KCNMB2: variants seen among roughly 807,000 people sequenced by gnomAD.
KCNMB2 encodes the protein calcium-activated potassium channel subunit beta-2.
Under a neutral mutation model 24.5 loss-of-function variants are expected in KCNMB2, and 9 were observed. That is an observed-to-expected ratio of 0.37 (90% CI 0.22 to 0.64). KCNMB2 has a LOEUF of 0.64. Among genes scored for constraint, KCNMB2 ranks in the 30% least tolerant of loss-of-function variants. The pLI, the probability that KCNMB2 is intolerant of heterozygous loss-of-function variation, is 0.63. For missense variants in KCNMB2, 226 were observed against 284.3 expected (o/e 0.79, Z 1.47); for synonymous variants, 109 against 104.4 (o/e 1.04, Z -0.27).
chr3:178,601,921 C>G (rs1437345972), intron 1 of KCNMB2, among the ~76,000 whole-genome samples: 1 of 152,092 alleles, frequency 6.6e-6, no homozygotes, highest in Non-Finnish European at 1.5e-5. Context: ...TTTTGAGGAG[C>G]CTTGGCAAAG....
At chr3:178,570,515 C>CTTTTTTTTTT (rs200106452) in intron 1 of KCNMB2, among the ~76,000 whole-genome samples, 30 of 114,580 alleles carry the variant, frequency 2.6e-4, no homozygotes, top group African/African-American at 7.9e-4. Flanking sequence ...GTAATGATAC[C>CTTTTTTTTTT]TTTTTTTTTT....
intron 4 of KCNMB2, among the ~76,000 whole-genome samples, chr3:178,836,810 A>G (rs530214264): frequency 1.1e-3 from 166 of 152,300 alleles, no homozygotes; most frequent in Middle Eastern, 3.4e-3. Context: ...CCACCAAAAA[A>G]GAGAGATCTA....
chr3:178,668,782 T>C (rs913623039), intron 1 of KCNMB2, among the ~76,000 whole-genome samples: 1 of 152,202 alleles, frequency 6.6e-6, no homozygotes, highest in Admixed American at 6.5e-5. Context: ...AATGACTTAC[T>C]GCAATTGTCC....
intron 1 of KCNMB2, among the ~76,000 whole-genome samples, chr3:178,573,583 T>TAAAA (rs71647211): frequency 3.2e-5 from 4 of 124,656 alleles, no homozygotes; most frequent in Non-Finnish European, 5.1e-5. Context: ...CTACAAAACA[T>TAAAA]AAAAAAAAAA....
rs111971710 is a variant in KCNMB2, at chr3:178,702,243, G to C, written c.-67-105100G>C. On this transcript the variant is annotated intron_variant, in intron 1 of 4. Coordinates refer to ENST00000452583, the MANE Select transcript of KCNMB2 (RefSeq NM_181361.3). ...TGGGAACTGAACAATGAGAACACTT[G>C]GACACAGGAAGGGGAACATCACACA... is the stretch of plus-strand genomic sequence containing the variant. Among the ~76,000 whole-genome samples the C allele has an allele frequency of 1.7e-3, 236 of 136,420 alleles. 1 individual carries two copies. Among genetic ancestry groups the C allele is most frequent in the African/African-American group, 6.3e-3 (227 of 36,260 alleles). 89.5% of individuals were successfully genotyped at this position (136,420 alleles called of 152,430 possible). A position where few individuals can be genotyped will look rare whatever the true frequency, so the allele number is the denominator to read the frequency against.
intron 1 of KCNMB2, among the ~76,000 whole-genome samples, 167 bp from the exon 2 acceptor site, chr3:178,807,176 G>A (rs1030473140): frequency 6.6e-6 from 1 of 152,214 alleles, no homozygotes; most frequent in African/African-American, 2.4e-5. Context: ...GCAAATTTCT[G>A]AGAGAGGACC....
chr3:178,800,472 T>C (rs888333220), intron 1 of KCNMB2, among the ~76,000 whole-genome samples: 4 of 152,088 alleles, frequency 2.6e-5, no homozygotes, highest in Admixed American at 6.6e-5. Context: ...AAAACTACAA[T>C]GAGATATCGT....
At chr3:178,595,327 T>G (rs1717828997) in intron 1 of KCNMB2, among the ~76,000 whole-genome samples, 1 of 152,126 alleles carries the variant, frequency 6.6e-6, no homozygotes, top group African/African-American at 2.4e-5. Context: ...CTTGAGCTGA[T>G]GAATGGGTCA....
intron 1 of KCNMB2, among the ~76,000 whole-genome samples, chr3:178,768,486 A>G (rs544108639): frequency 3.3e-5 from 5 of 152,310 alleles, no homozygotes; most frequent in African/African-American, 1.2e-4. Context: ...GATAATCTCA[A>G]ATCAAAGAAA....
Position 178,675,614 on chromosome 3 carries a change from C to T in KCNMB2, c.-67-131729C>T, listed in dbSNP as rs112534640. On this transcript the variant is annotated intron_variant, in intron 1 of 4. Coordinates refer to ENST00000452583, the MANE Select transcript of KCNMB2 (RefSeq NM_181361.3). ...GTTTTCTTCAATAAATATGAAAAAT[C>T]TTTGATCAATGTTCACATGTTTTCT... Among the ~76,000 whole-genome samples, 253 of 152,224 alleles carry T rather than the reference C, an allele frequency of 1.7e-3. 1 individual carries two copies. The highest frequency in any genetic ancestry group is 5.8e-3 in the African/African-American group (242 of 41,540).
chr3:178,772,987 G>A (rs1373606169), intron 1 of KCNMB2, among the ~76,000 whole-genome samples: 2 of 151,988 alleles, frequency 1.3e-5, no homozygotes, highest in African/African-American at 2.4e-5. Flanking sequence ...TCAAAGCTCT[G>A]AGTTTTTCCT....
chr3:178,538,469 C>G (rs917544578), intron 1 of KCNMB2, among the ~76,000 whole-genome samples: 1 of 152,078 alleles, frequency 6.6e-6, no homozygotes, highest in Non-Finnish European at 1.5e-5. Flanking sequence ...GTTTACAAAT[C>G]GATATTATTT....
chr3:178,686,049 A>T (rs987585046), intron 1 of KCNMB2, among the ~76,000 whole-genome samples: 24 of 150,854 alleles, frequency 1.6e-4, no homozygotes, highest in Admixed American at 4.6e-4. Flanking sequence ...TGTGTGTGAG[A>T]GAGAGAGAGA....
chr3:178,708,904 G>T (rs1472736187), intron 1 of KCNMB2, among the ~76,000 whole-genome samples: 1 of 152,098 alleles, frequency 6.6e-6, no homozygotes, highest in Non-Finnish European at 1.5e-5. Context: ...GTGAGTAAAA[G>T]AACAAATGAA....
chr3:178,614,247 T>TTATATATACATATA (rs1718600954), intron 1 of KCNMB2, among the ~76,000 whole-genome samples: 2 of 53,466 alleles, frequency 3.7e-5, no homozygotes, highest in Non-Finnish European at 7.2e-5. Context: ...TGGGCTAATT[T>TTATATATACATATA]TATATATATA....
Position 178,616,575 on chromosome 3 carries a change from T to G in KCNMB2, c.-68+79864T>G, listed in dbSNP as rs1452251709. 2.0e-5 allele frequency among the ~76,000 whole-genome samples: 3 copies of G among 152,190 alleles called. No homozygotes were observed. In the East Asian group the frequency reaches 5.8e-4, roughly 29 times the overall value. On this transcript the variant is annotated intron_variant, in intron 1 of 4. Transcript: ENST00000452583. ...GGGCGACATCTACAATTCAGAACTG[T>G]TTTTTTCTTTTCTGCAATGCCTCTT...
At chr3:178,685,220 G>C (rs1380795369) in intron 1 of KCNMB2, among the ~76,000 whole-genome samples, 3 of 152,220 alleles carry the variant, frequency 2.0e-5, no homozygotes, top group Admixed American at 2.0e-4. Context: ...TTCATGCCTA[G>C]GCTCTGCCAT....
chr3:178,701,436 G>A (rs1722090927), intron 1 of KCNMB2, among the ~76,000 whole-genome samples: 1 of 152,194 alleles, frequency 6.6e-6, no homozygotes, highest in African/African-American at 2.4e-5. Flanking sequence ...ACTTGGCAAT[G>A]AGGGCTCTTT....
chr3:178,562,024 C>A (rs939977376), intron 1 of KCNMB2, among the ~76,000 whole-genome samples: 12 of 152,140 alleles, frequency 7.9e-5, no homozygotes. Flanking sequence ...ACTGTACTTA[C>A]AATTAGTGAC....
Sources: gnomAD v4.1 joint callset for allele counts (sites outside exome capture counted in the v4.1 genomes callset) on GRCh38, gnomAD v4.1.1 for gene constraint, MANE v1.5 for transcripts, NCBI Gene and HGNC (gene_info 2026-07-23, HGNC 2026-07-21) for gene names.